DNAH9: variants seen among roughly 807,000 people sequenced by gnomAD.
DNAH9 encodes the protein DNAH9 variant protein.
DNAH9 carries 345 observed loss-of-function variants against 471.6 expected under a neutral mutation model. That is an observed-to-expected ratio of 0.73 (90% CI 0.67 to 0.80). The LOEUF is 0.80. DNAH9 is among the 30% of genes least tolerant of loss of function. DNAH9 has a pLI of 0.00. For synonymous variants in DNAH9, 2,093 were observed against 2,123.6 expected (o/e 0.99, Z 0.40); for missense variants, 5,407 against 5,609.2 (o/e 0.96, Z 1.15).
chr17:11,948,165 A>G (rs1032127210), intron 67 of DNAH9, among the ~76,000 whole-genome samples: 1 of 151,266 alleles, frequency 6.6e-6, no homozygotes, highest in African/African-American at 2.4e-5. Context: ...CTGTTTCTAA[A>G]GATGTGAAGC....
chr17:11,669,569 A>T lies in DNAH9; in HGVS notation c.3128A>T (p.His1043Leu), dbSNP rs760204906. The change falls in exon 17 of 69, where the codon CAT becomes CTT. Residue 1043 changes from histidine to leucine, a missense_variant. His to Leu is a moderately conservative substitution (Grantham distance 99, BLOSUM62 -3). Coordinates refer to ENST00000262442, the MANE Select transcript of DNAH9 (RefSeq NM_001372.4). The stretch of plus-strand genomic sequence containing the variant: ...CTCACTCCGGAAGAAATTGAAGACC[A>T]TGTGGAAGATGGCATCCCAGAGAAC... The part of the protein sequence containing the change: ...HILTPEEIED[H>L]VEDGIPENPP... 1 of 1,614,172 alleles carries T rather than the reference A, an allele frequency of 6.2e-7. No individual in the cohort carries two copies. The highest frequency in any genetic ancestry group is 1.7e-5 in the Admixed American group (1 of 60,030).
intron 50 of DNAH9, among the ~76,000 whole-genome samples, chr17:11,855,962 A>G (rs1971609617): frequency 6.6e-6 from 1 of 152,260 alleles, no homozygotes; most frequent in Middle Eastern, 3.4e-3. Context: ...ATGAGAATTA[A>G]AGGATGTGAT....
chr17:11,704,933 A>G lies in DNAH9; in HGVS notation c.5392-92A>G, dbSNP rs1017768447. ...ATGCTGCACACTTTAGCAGCAGTCA[A>G]CAGCCAAGGCATCAGACCCCTATGT... On this transcript the variant is annotated intron_variant, in intron 25 of 68. Coordinates refer to ENST00000262442, the MANE Select transcript of DNAH9 (RefSeq NM_001372.4). The G allele has an allele frequency of 8.7e-6, 9 of 1,038,100 alleles. No homozygotes were observed. In the African/African-American group the frequency reaches 1.3e-4, roughly 14 times the overall value. The allele number at this position is 1,038,100 out of a possible 1,614,324, so 64.3% of individuals were successfully genotyped here. A position where few individuals can be genotyped will look rare whatever the true frequency, so the allele number is the denominator to read the frequency against.
intron 30 of DNAH9, among the ~76,000 whole-genome samples, chr17:11,744,022 G>T (rs1340013511): frequency 6.6e-6 from 1 of 152,024 alleles, no homozygotes; most frequent in Admixed American, 6.6e-5. Flanking sequence ...TAGAGACGAG[G>T]TTTCACCATA....
intron 50 of DNAH9, among the ~76,000 whole-genome samples, chr17:11,856,338 T>C (rs900219937): frequency 1.3e-5 from 2 of 152,102 alleles, no homozygotes; most frequent in African/African-American, 4.8e-5. Flanking sequence ...GGTTTATTGA[T>C]TGTTAGATTA....
rs117483481 is a variant in DNAH9, at chr17:11,854,038, G to A, written c.9543G>A (p.Pro3181=). The A allele has an allele frequency of 4.2e-3, 6,699 of 1,614,032 alleles. 48 individuals are homozygous for A. The highest frequency in any genetic ancestry group is 0.024 in the East Asian group (1,058 of 44,868). The change falls in exon 50 of 69, where the codon CCG becomes CCA. Residue 3181 remains proline, a synonymous_variant. Coordinates refer to ENST00000262442, the MANE Select transcript of DNAH9 (RefSeq NM_001372.4). ...NLTELKSFGS[P]PLAVSNVSAA... ...CAGAGCTGAAGTCATTTGGCTCTCCGCCTCTGGCCGTCAGCAATGTCAGCG... is the reference window on the plus strand; with the variant it reads ...CAGAGCTGAAGTCATTTGGCTCTCCACCTCTGGCCGTCAGCAATGTCAGCG...
At chr17:11,725,695 C>T (rs1451888272) in intron 27 of DNAH9, among the ~76,000 whole-genome samples, 2 of 152,010 alleles carry the variant, frequency 1.3e-5, no homozygotes, top group Admixed American at 6.6e-5. Context: ...GGTGAAACCC[C>T]GTCTCCACTA....
intron 25 of DNAH9, 108 bp downstream of exon 25, chr17:11,704,550 CA>C: frequency 1.0e-6 from 1 of 996,012 alleles, no homozygotes; most frequent in Non-Finnish European, 1.4e-6. Context: ...ACTGACCAGA[CA>C]GCTGGGGGAG....
At chr17:11,638,854 C>T (rs2073211744) in intron 9 of DNAH9, among the ~76,000 whole-genome samples, 1 of 152,220 alleles carries the variant, frequency 6.6e-6, no homozygotes, top group Admixed American at 6.5e-5. Flanking sequence ...AATCCAGTTC[C>T]TCATGACTAT....
intron 42 of DNAH9, among the ~76,000 whole-genome samples, chr17:11,796,691 C>T (rs886745664): frequency 3.9e-5 from 6 of 152,230 alleles, no homozygotes; most frequent in Admixed American, 1.3e-4. Context: ...GACAACTGCT[C>T]ATGCTGGCAT....
intron 42 of DNAH9, among the ~76,000 whole-genome samples, chr17:11,794,062 T>TTTTTG (rs34204064): frequency 1.0e-5 from 1 of 99,180 alleles, no homozygotes; most frequent in African/African-American, 3.5e-5. Context: ...TTTTTTTTTT[T>TTTTTG]GAGACAGAGT....
intron 26 of DNAH9, among the ~76,000 whole-genome samples, chr17:11,710,495 G>A (rs2074810401): frequency 6.6e-6 from 1 of 152,076 alleles, no homozygotes; most frequent in African/African-American, 2.4e-5. Context: ...ACAACACCCT[G>A]ACTAGCATTA....
chr17:11,941,114 A>AATCT (rs964182703), intron 66 of DNAH9, among the ~76,000 whole-genome samples: 2 of 152,174 alleles, frequency 1.3e-5, no homozygotes, highest in Admixed American at 6.5e-5. Flanking sequence ...TGGGAAACAT[A>AATCT]ATCTGATTGG....
intron 26 of DNAH9, among the ~76,000 whole-genome samples, chr17:11,711,028 C>G (rs1003536736): frequency 3.3e-5 from 5 of 152,170 alleles, no homozygotes; most frequent in African/African-American, 1.2e-4. Context: ...CTTGCACAGG[C>G]TGGAAAGATG....
At chr17:11,735,239 A>G (rs2150826335) in intron 28 of DNAH9, among the ~76,000 whole-genome samples, 1 of 152,166 alleles carries the variant, frequency 6.6e-6, no homozygotes, top group East Asian at 1.9e-4. Context: ...TATCCTCTGC[A>G]TTGTGGATGT....
intron 43 of DNAH9, among the ~76,000 whole-genome samples, chr17:11,806,021 C>T (rs959140120): frequency 1.3e-5 from 2 of 152,116 alleles, no homozygotes; most frequent in Admixed American, 6.6e-5. Flanking sequence ...TGTGAGCCAC[C>T]GCTCCCAGCC....
intron 59 of DNAH9, among the ~76,000 whole-genome samples, chr17:11,901,422 G>A (rs943402684): frequency 6.6e-6 from 1 of 152,198 alleles, no homozygotes; most frequent in African/African-American, 2.4e-5. Flanking sequence ...GGGGCCGGGT[G>A]TGGTGGCTCA....
chr17:11,625,618 G>A (rs2150665740), intron 6 of DNAH9, among the ~76,000 whole-genome samples: 2 of 152,300 alleles, frequency 1.3e-5, no homozygotes, highest in East Asian at 3.9e-4. Flanking sequence ...TGAGAAGGGG[G>A]TTGCTGTTTG....
intron 43 of DNAH9, among the ~76,000 whole-genome samples, chr17:11,801,176 A>G (rs1012430922): frequency 2.6e-5 from 4 of 152,226 alleles, no homozygotes. Context: ...AAGTTGCCTA[A>G]GGTCACACTC....
Sources: gnomAD v4.1 joint callset for allele counts (sites outside exome capture counted in the v4.1 genomes callset) on GRCh38, gnomAD v4.1.1 for gene constraint, MANE v1.5 for transcripts, NCBI Gene and HGNC (gene_info 2026-07-23, HGNC 2026-07-21) for gene names.